MACF1: variants seen among roughly 807,000 people sequenced by gnomAD.
MACF1 encodes the protein microtubule-actin cross-linking factor 1.
Under a neutral mutation model 854.8 loss-of-function variants are expected in MACF1, and 193 were observed. That is an observed-to-expected ratio of 0.23 (90% CI 0.20 to 0.25). The LOEUF (loss-of-function observed/expected upper bound fraction) is 0.25. MACF1 is among the 10% of genes least tolerant of loss of function. MACF1 has a pLI of 1.00. For synonymous variants in MACF1, 3,185 were observed against 3,226.7 expected, an observed-to-expected ratio of 0.99 and a Z score of 0.44; for missense variants, 7,722 against 8,929.1, an observed-to-expected ratio of 0.86 and a Z score of 5.45.
chr1:39,419,915 G>T (rs1643472039), intron 58 of MACF1, among the ~76,000 whole-genome samples: 1 of 151,910 alleles, frequency 6.6e-6, no homozygotes, highest in African/African-American at 2.4e-5. Flanking sequence ...CAATCTGTCT[G>T]CCTTGGCCTC....
intron 95 of MACF1, 44 bp from the exon 96 acceptor site, chr1:39,468,571 G>A: frequency 6.7e-7 from 1 of 1,492,218 alleles, no homozygotes; most frequent in Non-Finnish European, 9.3e-7. Flanking sequence ...ACATAGATCT[G>A]CTTTAAGACA....
intron 44 of MACF1, among the ~76,000 whole-genome samples, chr1:39,355,460 C>CTTTTTTT (rs56202498): frequency 1.4e-3 from 116 of 81,072 alleles, no homozygotes; most frequent in Non-Finnish European, 1.9e-3. Context: ...TTTTCTTCTG[C>CTTTTTTT]TTTTTTTTTT....
intron 2 of MACF1, among the ~76,000 whole-genome samples, chr1:39,177,836 A>G (rs756875543): frequency 2.0e-5 from 3 of 152,096 alleles, no homozygotes; most frequent in African/African-American, 7.2e-5. Flanking sequence ...GTGACTCTTA[A>G]GTTTTAAGAA....
At chr1:39,089,548 C>T (rs757146292) in intron 2 of MACF1, among the ~76,000 whole-genome samples, 1 of 152,154 alleles carries the variant, frequency 6.6e-6, no homozygotes, top group Non-Finnish European at 1.5e-5. Context: ...CTGGAGGTCT[C>T]TGTAGTCAGG....
Position 39,310,916 on chromosome 1 carries a change from G to A in MACF1, c.3186G>A (p.Val1062=), listed in dbSNP as rs1413762459. ...GCCTGGAGGAGTATGAACAGAGGGT[G>A]GTCAAACGAATTCAGTCTCTAGCCA... is the stretch of plus-strand genomic sequence containing the variant. ...RLRLEEYEQR[V]VKRIQSLASS... The change falls in exon 26 of 101, where the codon GTG becomes GTA. Residue 1062 remains valine (V), a synonymous_variant. Transcript: ENST00000564288. 2 of 1,614,156 alleles carry A rather than the reference G, an allele frequency of 1.2e-6. No homozygotes were observed. The highest frequency in any genetic ancestry group is 2.2e-5 in the East Asian group (1 of 44,884).
intron 6 of MACF1, among the ~76,000 whole-genome samples, chr1:39,264,160 G>A (rs1329341160): frequency 1.3e-5 from 2 of 152,144 alleles, no homozygotes; most frequent in South Asian, 2.1e-4. Flanking sequence ...TTATTTAATT[G>A]TATGAATAAA....
At chr1:39,411,480 C>G (rs754509393) in intron 58 of MACF1, 66 of 1,613,574 alleles carry the variant, frequency 4.1e-5, no homozygotes, top group Non-Finnish European at 5.4e-5. Context: ...CAGCCAAGGA[C>G]CAGTTGGCTA....
In MACF1 at chr1:39,459,106, A is replaced by T. The variant is rs766431411; in HGVS notation, c.21217A>T (p.Thr7073Ser). The T allele has an allele frequency of 3.1e-6, 5 of 1,612,796 alleles. No homozygotes were observed. The highest frequency in any genetic ancestry group is 4.2e-6 in the Non-Finnish European group (5 of 1,179,698). The stretch of plus-strand genomic sequence containing the variant: ...TTTAGGGAAATCCCTAAGTCAGCCA[A>T]CCCCTCCTCCCATGCCAATCCTTTC... ...SGGRKSLSQP[T>S]PPPMPILSQS... The change falls in exon 91 of 101, where the codon ACC (threonine) becomes TCC (serine). Residue 7073 changes from threonine (T) to serine (S), a missense_variant. This residue lies in a region of MACF1 where 729 missense variants were observed against 900.5 expected (regional missense o/e 0.81). Transcript: ENST00000564288.
intron 1 of MACF1, among the ~76,000 whole-genome samples, chr1:39,225,262 T>C (rs1644702910): frequency 7.3e-6 from 1 of 137,254 alleles, no homozygotes; most frequent in Non-Finnish European, 1.5e-5. Context: ...CAGGCCGGAC[T>C]GCGGACTGCA....
At chr1:39,485,456 A>T in intron 100 of MACF1, 82 bp from the exon 101 acceptor site, 1 of 1,436,756 alleles carries the variant, frequency 7.0e-7, no homozygotes, top group Non-Finnish European at 9.3e-7. Flanking sequence ...ATCACACAGG[A>T]TCAGAACCCT....
At chr1:39,337,054 T>A (rs1489856891) in intron 37 of MACF1, 128 bp from the exon 38 acceptor site, 1 of 814,916 alleles carries the variant, frequency 1.2e-6, no homozygotes, top group East Asian at 2.6e-5. Flanking sequence ...AAACAAAGTG[T>A]TTTATTTTAT....
In MACF1 at chr1:39,231,246, AG is replaced by A. The variant is rs1644773905; in HGVS notation, c.171+5del. 2 of 1,613,742 alleles carry A rather than the reference AG, an allele frequency of 1.2e-6. No individual in the cohort carries two copies. Among genetic ancestry groups the A allele is most frequent in the Admixed American group, 3.3e-5 (2 of 60,010 alleles). ...GGGTCAACAAGCACTTAATGAAGGT[AG>A]GACCCTTTCATATATATGCTGCCCC... On this transcript the variant is annotated splice_donor_region_variant and intron_variant, in intron 2 of 100. Coordinates refer to ENST00000564288, the MANE Select transcript of MACF1 (RefSeq NM_001394062.1).
chr1:39,452,276 C>T lies in MACF1; in HGVS notation c.20539C>T (p.Leu6847=). Residue 6847 remains leucine, a synonymous_variant, in exon 86 of 101, where the codon CTG becomes TTG. Transcript: ENST00000564288. ...TTGGGTAAAAGGACAGCTCCAGGAA[C>T]TGAGCACTCGCTGGGACACTGTCTG... ...TTWVKGQLQE[L]STRWDTVCKL... is the part of the protein sequence containing the mutation. 1 of 1,614,216 alleles carries T rather than the reference C, an allele frequency of 6.2e-7. No homozygotes were observed. Among genetic ancestry groups the T allele is most frequent in the Non-Finnish European group, 8.5e-7 (1 of 1,180,034 alleles).
intron 1 of MACF1, among the ~76,000 whole-genome samples, chr1:39,213,472 C>T (rs566839182): frequency 2.6e-5 from 4 of 152,180 alleles, no homozygotes; most frequent in Non-Finnish European, 5.9e-5. Context: ...GCTGGGATTA[C>T]AGGCATGTGC....
At chr1:39,288,508 A>AAG (rs201600444) in intron 15 of MACF1, among the ~76,000 whole-genome samples, 4,873 of 151,222 alleles carry the variant, frequency 0.032, 124 homozygotes, top group Middle Eastern at 0.082. Context: ...AAAAAAAAAA[A>AAG]AAAAGTACAG....
intron 2 of MACF1, among the ~76,000 whole-genome samples, chr1:39,140,905 ACT>A (rs1485287269): frequency 1.3e-4 from 14 of 105,348 alleles, no homozygotes; most frequent in African/African-American, 5.5e-4. Context: ...ACAGAGTGAG[ACT>A]CTGTCTCAAA....
rs147054377 is a variant in MACF1, at chr1:39,486,103, C to T, written c.*309C>T. On this transcript the variant is annotated 3_prime_UTR_variant, in exon 101 of 101. Coordinates refer to ENST00000564288, the MANE Select transcript of MACF1 (RefSeq NM_001394062.1). ...AAAAAGCCTATTAATAGGGTTTCTG[C>T]GCGGTGCAGGGTTGTAAACCTGCTT... 222 of 208,080 alleles carry T rather than the reference C, an allele frequency of 1.1e-3. 1 individual carries two copies. Among genetic ancestry groups the T allele is most frequent in the African/African-American group, 4.5e-3 (194 of 43,368 alleles). The allele number at this position is 208,080 out of a possible 1,614,324, so 12.9% of individuals were successfully genotyped here. A position where few individuals can be genotyped will look rare whatever the true frequency, so the allele number is the denominator to read the frequency against.
At chr1:39,102,134 G>A (rs993750196) in intron 2 of MACF1, among the ~76,000 whole-genome samples, 2 of 151,468 alleles carry the variant, frequency 1.3e-5, no homozygotes, top group Non-Finnish European at 2.9e-5. Context: ...CCGAGATCGC[G>A]CCACTGCACT....
chr1:39,252,769 A>G (rs995108343), intron 4 of MACF1, among the ~76,000 whole-genome samples: 5 of 152,202 alleles, frequency 3.3e-5, no homozygotes, highest in African/African-American at 1.2e-4. Context: ...GTTCTTGCTA[A>G]AAAGATTTTT....
Sources: gnomAD v4.1 joint callset for allele counts (sites outside exome capture counted in the v4.1 genomes callset) on GRCh38, gnomAD v4.1.1 for gene constraint, gnomAD v4.1.1 regional missense constraint, MANE v1.5 for transcripts, NCBI Gene and HGNC (gene_info 2026-07-23, HGNC 2026-07-21) for gene names.